Variants in PAK1 observed in about 807,000 individuals in gnomAD.
The protein encoded by PAK1 is p21 (RAC1) activated kinase 1.
Under a neutral mutation model 67.4 loss-of-function variants are expected in PAK1, and 29 were observed. That is an observed-to-expected ratio of 0.43 (90% confidence interval 0.32 to 0.59). PAK1 has a LOEUF of 0.59. PAK1 is among the 20% of genes least tolerant of loss of function. PAK1 has a pLI of 0.07. For missense variants in PAK1, 337 were observed against 670.7 expected (o/e 0.50, Z 5.50); for synonymous variants, 223 against 237.4 (o/e 0.94, Z 0.56).
At chr11:77,410,584 G>T (rs866720400) in intron 1 of PAK1, among the ~76,000 whole-genome samples, 15 of 151,990 alleles carry the variant, frequency 9.9e-5, no homozygotes, top group African/African-American at 2.4e-4. Context: ...CTAATCAAGA[G>T]GGGGAGGATC....
chr11:77,513,223 C>T, the PAK1 span, among the ~76,000 whole-genome samples: 1 of 152,154 alleles, frequency 6.6e-6, no homozygotes, highest in Non-Finnish European at 1.5e-5. Flanking sequence ...TGTATCATGG[C>T]AGTGTTATGG....
At chr11:77,441,955 A>C (rs1271540301) in intron 1 of PAK1, among the ~76,000 whole-genome samples, 1 of 152,190 alleles carries the variant, frequency 6.6e-6, no homozygotes, top group Non-Finnish European at 1.5e-5. Flanking sequence ...CTGGTAAAAC[A>C]GGCATGGTTG....
chr11:77,346,975 T>C (rs774767225), intron 9 of PAK1: 3 of 454,648 alleles, frequency 6.6e-6, no homozygotes, highest in Non-Finnish European at 1.3e-5. Flanking sequence ...ATTCTTCCTA[T>C]ATGTGAGACA....
intron 2 of PAK1, among the ~76,000 whole-genome samples, chr11:77,381,004 C>A (rs1949735270): frequency 6.6e-6 from 1 of 152,162 alleles, no homozygotes; most frequent in Non-Finnish European, 1.5e-5. Flanking sequence ...GAGCTCAACA[C>A]ACTAACCAAA....
chr11:77,421,274 A>T (rs1265935143), intron 1 of PAK1, among the ~76,000 whole-genome samples: 1 of 152,208 alleles, frequency 6.6e-6, no homozygotes, highest in African/African-American at 2.4e-5. Flanking sequence ...TTCATACCCT[A>T]TGGTGACTAT....
At chr11:77,386,749 T>G (rs1237665665) in intron 2 of PAK1, among the ~76,000 whole-genome samples, 1 of 152,094 alleles carries the variant, frequency 6.6e-6, no homozygotes, top group African/African-American at 2.4e-5. Flanking sequence ...AAGGTCTGGG[T>G]GGAATGCAGG....
intron 1 of PAK1, among the ~76,000 whole-genome samples, chr11:77,423,402 TACACACACACACACACACACAC>T (rs5792767): frequency 2.9e-5 from 4 of 136,956 alleles, no homozygotes; most frequent in East Asian, 2.1e-4. Context: ...TGCTTTCAAA[TACACACACACACACACACACAC>T]ACACACACAC....
chr11:77,333,827 AT>A (rs2136139517), intron 13 of PAK1, among the ~76,000 whole-genome samples: 1 of 152,262 alleles, frequency 6.6e-6, no homozygotes, highest in Admixed American at 6.5e-5. Flanking sequence ...GGCAAGACTT[AT>A]CATCTTCACT....
At chr11:77,479,592 G>GA (rs1958095309), upstream of PAK1, among the ~76,000 whole-genome samples, 1 of 135,724 alleles carries the variant, frequency 7.4e-6, no homozygotes, top group Admixed American at 7.7e-5. Flanking sequence ...AAAAGGCCAA[G>GA]AAAAATAAAC....
chr11:77,434,021 T>C (rs906632987), intron 1 of PAK1, among the ~76,000 whole-genome samples: 4 of 152,170 alleles, frequency 2.6e-5, no homozygotes, highest in Non-Finnish European at 5.9e-5. Flanking sequence ...AAATTAGAAC[T>C]CTCATACACT....
intron 2 of PAK1, among the ~76,000 whole-genome samples, chr11:77,386,510 C>T (rs1950467632): frequency 6.6e-6 from 1 of 152,184 alleles, no homozygotes; most frequent in Non-Finnish European, 1.5e-5. Flanking sequence ...CTCAGCATCA[C>T]CTATTACAGG....
At chr11:77,523,061 G>T in the PAK1 span, among the ~76,000 whole-genome samples, 1 of 152,140 alleles carries the variant, frequency 6.6e-6, no homozygotes, top group Non-Finnish European at 1.5e-5. Context: ...AGACACTTCA[G>T]GCTACTAGAC....
intron 1 of PAK1, among the ~76,000 whole-genome samples, chr11:77,462,585 A>C (rs1385164943): frequency 1.3e-5 from 2 of 152,052 alleles, no homozygotes; most frequent in Admixed American, 6.5e-5. Flanking sequence ...TAATCCCAGC[A>C]CTTTGGGAGC....
intron 9 of PAK1, 70 bp from the exon 10 acceptor site, chr11:77,344,001 G>T: frequency 1.1e-6 from 1 of 950,838 alleles, no homozygotes; most frequent in Non-Finnish European, 1.7e-6. Flanking sequence ...CTAAGTACCA[G>T]ACCTTAAGTA....
rs1004543424 is a variant in PAK1 at position 77,408,587 on chromosome 11, G to T, written c.-21-16046C>A. 1.5e-4 allele frequency among the ~76,000 whole-genome samples: 22 copies of T among 151,370 alleles called. 1 individual carries two copies. The highest frequency in any genetic ancestry group is 1.1e-3 in the Admixed American group (17 of 15,196). On this transcript the variant is annotated intron_variant, in intron 1 of 14. Transcript: ENST00000356341. Reference sequence around the variant, plus strand: ...CACACACACTCCACATTCTGACAGTGAGTGCCAATAAAACAGTAATCTTGT... The same window carrying T: ...CACACACACTCCACATTCTGACAGTTAGTGCCAATAAAACAGTAATCTTGT...
At chr11:77,383,751 C>A (rs1403047430) in intron 2 of PAK1, among the ~76,000 whole-genome samples, 1 of 152,134 alleles carries the variant, frequency 6.6e-6, no homozygotes, top group Admixed American at 6.5e-5. Flanking sequence ...ACCTGGAACC[C>A]AATTAATCCC....
At position 77,322,137 on chromosome 11, in the gene PAK1, G is replaced by T. The variant is rs1485462496; in HGVS notation, c.*1137C>A. 9.3e-6 allele frequency: 2 copies of T among 215,004 alleles called. No individual in the cohort carries two copies. Among genetic ancestry groups the T allele is most frequent in the East Asian group, 1.4e-4 (2 of 14,682 alleles). The allele number at this position is 215,004 out of a possible 1,614,324, so 13.3% of individuals were successfully genotyped here. The stretch of plus-strand genomic sequence containing the variant: ...ATGACAAGCCACAATGCTGGCCAGG[G>T]GTCCTACCATAGTGGGAGAACCAAA... On this transcript the variant is annotated 3_prime_UTR_variant, in exon 15 of 15. Coordinates refer to ENST00000356341, the MANE Select transcript of PAK1 (RefSeq NM_002576.5).
rs749040021 is a variant in PAK1, at chr11:77,374,371, C to T, written c.440-6G>A. On this transcript the variant is annotated splice_polypyrimidine_tract_variant and splice_region_variant and intron_variant, in intron 4 of 14. Transcript: ENST00000356341. The stretch of plus-strand genomic sequence containing the variant: ...GTAATCCTCAGCTGACTTATCTGCA[C>T]AGGAAGAAAAACAAGGGACTTAGTC... The T allele has an allele frequency of 1.9e-5, 30 of 1,589,084 alleles. No homozygotes were observed. The highest frequency in any genetic ancestry group is 1.7e-5 in the Admixed American group (1 of 59,620).
chr11:77,358,555 C>T (rs1946352113), intron 6 of PAK1, among the ~76,000 whole-genome samples: 1 of 152,120 alleles, frequency 6.6e-6, no homozygotes, highest in Non-Finnish European at 1.5e-5. Context: ...CAATTTGTTG[C>T]TTCCCTGGAG....
Sources: allele counts gnomAD v4.1 joint callset (sites outside exome capture counted in the v4.1 genomes callset), GRCh38; gene constraint gnomAD v4.1.1; transcripts MANE v1.5; gene names NCBI Gene and HGNC (gene_info 2026-07-23, HGNC 2026-07-21).